SV2C: variants seen among roughly 807,000 people sequenced by gnomAD.
SV2C encodes the protein synaptic vesicle glycoprotein 2C.
A neutral mutation model predicts 79.7 loss-of-function variants in SV2C; 49 were observed. The ratio of observed to expected loss-of-function variants is 0.61; its 90% CI spans 0.49 to 0.78. The LOEUF is 0.78. Among genes scored for constraint, SV2C ranks in the 30% least tolerant of loss-of-function variants. The probability of loss-of-function intolerance (pLI) is 0.00; values close to 1 mark genes in which losing one functional copy is unlikely to be tolerated. For synonymous variants in SV2C, 334 were observed against 333.2 expected (o/e 1.00, Z -0.03); for missense variants, 833 against 912.9 (o/e 0.91, Z 1.13).
At chr5:76,047,397 A>G in the SV2C span, among the ~76,000 whole-genome samples, 1 of 152,162 alleles carries the variant, frequency 6.6e-6, no homozygotes, top group Non-Finnish European at 1.5e-5. Context: ...ATCCAACATT[A>G]TGTTTGGATA....
At chr5:75,975,447 T>C in the SV2C span, among the ~76,000 whole-genome samples, 379 of 152,278 alleles carry the variant, frequency 2.5e-3, 2 homozygotes, top group Non-Finnish European at 4.3e-3. Flanking sequence ...TATTTCCAAT[T>C]CATGTAGGAA....
intron 4 of SV2C, among the ~76,000 whole-genome samples, chr5:76,233,211 G>C (rs1324662016): frequency 2.7e-4 from 31 of 113,312 alleles, no homozygotes; most frequent in Admixed American, 7.9e-4. Flanking sequence ...ATTGTGAATG[G>C]GAGTTCACTC....
At chr5:76,298,690 A>T (rs1747863306) in intron 9 of SV2C, 104 bp from the exon 10 acceptor site, 1 of 1,304,974 alleles carries the variant, frequency 7.7e-7, no homozygotes, top group Admixed American at 2.1e-5. Flanking sequence ...TATAATTAAG[A>T]CAGTCCATAG....
chr5:75,933,358 C>T, the SV2C span, among the ~76,000 whole-genome samples: 26 of 152,290 alleles, frequency 1.7e-4, no homozygotes, highest in African/African-American at 5.3e-4. Context: ...TTCTCAAAGA[C>T]GAGTTTCTCA....
intron 2 of SV2C, among the ~76,000 whole-genome samples, chr5:76,186,991 A>G (rs896067655): frequency 9.8e-5 from 15 of 152,322 alleles, no homozygotes; most frequent in African/African-American, 3.1e-4. Flanking sequence ...GCCAGAGCAT[A>G]TCACCACTTT....
intron 4 of SV2C, chr5:76,280,883 T>G (rs1356936822): frequency 8.5e-6 from 4 of 471,904 alleles, no homozygotes; most frequent in Non-Finnish European, 1.7e-5. Flanking sequence ...CTGACCCAAG[T>G]TCAGCCGACA....
At chr5:76,123,158 T>C (rs1580284219) in intron 1 of SV2C, among the ~76,000 whole-genome samples, 1 of 151,884 alleles carries the variant, frequency 6.6e-6, no homozygotes, top group African/African-American at 2.4e-5. Context: ...ACACATACAC[T>C]CTCCCAAGAC....
At chr5:76,296,767 T>A (rs1396185338) in intron 9 of SV2C, among the ~76,000 whole-genome samples, 1 of 152,216 alleles carries the variant, frequency 6.6e-6, no homozygotes, top group Non-Finnish European at 1.5e-5. Flanking sequence ...TTCAGTGGGA[T>A]GCTTATGATC....
At chr5:75,934,828 G>A in the SV2C span, among the ~76,000 whole-genome samples, 681 of 151,332 alleles carry the variant, frequency 4.5e-3, 4 homozygotes, top group African/African-American at 0.016. Context: ...TCAAGGAAGA[G>A]TAGTGAGCAC....
At chr5:76,336,000 G>A (rs1429860176), downstream of SV2C, among the ~76,000 whole-genome samples, 2 of 151,840 alleles carry the variant, frequency 1.3e-5, no homozygotes, top group Admixed American at 6.6e-5. Flanking sequence ...AGGGGCGGCC[G>A]GGCAGAGGCG....
intron 2 of SV2C, among the ~76,000 whole-genome samples, chr5:76,177,333 T>C (rs1488049086): frequency 6.6e-6 from 1 of 151,440 alleles, no homozygotes; most frequent in Non-Finnish European, 1.5e-5. Flanking sequence ...TTCCCTTATA[T>C]GTTCCAGGAC....
At chr5:75,992,531 A>G in the SV2C span, among the ~76,000 whole-genome samples, 1 of 152,008 alleles carries the variant, frequency 6.6e-6, no homozygotes, top group Non-Finnish European at 1.5e-5. Flanking sequence ...AAATCACTAC[A>G]TAAAATACAG....
the SV2C span, among the ~76,000 whole-genome samples, chr5:75,882,912 A>C: frequency 1.3e-5 from 2 of 151,998 alleles, no homozygotes; most frequent in Non-Finnish European, 2.9e-5. Context: ...CAACCTACAA[A>C]ATGGGAGAAA....
intron 2 of SV2C, among the ~76,000 whole-genome samples, chr5:76,194,624 A>AT (rs1207311385): frequency 6.6e-6 from 1 of 152,162 alleles, no homozygotes; most frequent in Non-Finnish European, 1.5e-5. Context: ...GACAGCTTTT[A>AT]TTTTACAATT....
At chr5:76,081,960 A>T (rs1278439816), upstream of SV2C, 1 of 152,236 alleles carries the variant, frequency 6.6e-6, no homozygotes, top group Non-Finnish European at 1.5e-5. Flanking sequence ...TAACATTTAT[A>T]TTTCTATCCA....
At chr5:75,848,098 C>T in the SV2C span, among the ~76,000 whole-genome samples, 4 of 152,234 alleles carry the variant, frequency 2.6e-5, no homozygotes, top group African/African-American at 4.8e-5. Context: ...CAGAAGTTGT[C>T]TAAGAGTAGG....
chr5:76,304,241 T>A (rs1561308037), intron 12 of SV2C, among the ~76,000 whole-genome samples: 1 of 152,252 alleles, frequency 6.6e-6, no homozygotes, highest in East Asian at 1.9e-4. Context: ...TTTGGTGATC[T>A]AGAAGATGAC....
At chr5:76,285,018 C>T (rs1249578986) in intron 4 of SV2C, 144 bp from the exon 5 acceptor site, 3 of 1,204,644 alleles carry the variant, frequency 2.5e-6, no homozygotes, top group Admixed American at 2.3e-5. Flanking sequence ...GAGCTGGCCA[C>T]CATGGATGAT....
In SV2C at chr5:76,083,424, G is replaced by T. The variant is rs1370668780; in HGVS notation, c.-190G>T. The T allele has an allele frequency of 2.0e-5, 3 of 152,468 alleles. No homozygotes were observed. The East Asian group carries it at 5.8e-4, about 29-fold the overall frequency. The allele number at this position is 152,468 out of a possible 1,614,324, so 9.4% of individuals were successfully genotyped here. On this transcript the variant is annotated 5_prime_UTR_variant, in exon 1 of 13. Transcript: ENST00000502798. ...CAGGCGAGAGTGGCAGACGGAGGCAGCCCGGGGAAGCGAGCCGGAGCGGCG... is the reference window on the plus strand; with the variant it reads ...CAGGCGAGAGTGGCAGACGGAGGCATCCCGGGGAAGCGAGCCGGAGCGGCG...
Sources: gnomAD v4.1 joint callset for allele counts (sites outside exome capture counted in the v4.1 genomes callset) on GRCh38, gnomAD v4.1.1 for gene constraint, MANE v1.5 for transcripts, NCBI Gene and HGNC (gene_info 2026-07-23, HGNC 2026-07-21) for gene names.